CTIF: variants seen among roughly 807,000 people sequenced by gnomAD.
CTIF encodes cap binding complex dependent translation initiation factor, also known as CBP80/20-dependent translation initiation factor.
In CTIF, 21 loss-of-function variants were observed where a neutral mutation model predicts 66.0. That is an observed-to-expected ratio of 0.32 (90% CI 0.23 to 0.46). The LOEUF (loss-of-function observed/expected upper bound fraction) is 0.46. Among genes scored for constraint, CTIF ranks in the 20% least tolerant of loss-of-function variants. CTIF has a pLI of 1.00. For synonymous variants in CTIF, 345 were observed against 326.4 expected, an observed-to-expected ratio of 1.06 and a Z score of -0.62; for missense variants, 739 against 812.7, an observed-to-expected ratio of 0.91 and a Z score of 1.10.
intron 10 of CTIF, among the ~76,000 whole-genome samples, chr18:48,833,243 C>A (rs2068732927): frequency 6.6e-6 from 1 of 152,178 alleles, no homozygotes; most frequent in Non-Finnish European, 1.5e-5. Flanking sequence ...TACCTGGAAT[C>A]CCAGGGCCAG....
chr18:48,753,636 G>A (rs928189386), intron 7 of CTIF, among the ~76,000 whole-genome samples: 55 of 152,060 alleles, frequency 3.6e-4, no homozygotes, highest in Non-Finnish European at 2.4e-4. Context: ...AACAGCAGGT[G>A]TTGCCAGTAG....
At chr18:48,817,761 C>T (rs1444843754) in intron 10 of CTIF, among the ~76,000 whole-genome samples, 6 of 145,908 alleles carry the variant, frequency 4.1e-5, no homozygotes, top group South Asian at 2.2e-4. Flanking sequence ...GGCGACAGAG[C>T]GAGACTCGGT....
At chr18:48,822,954 A>G (rs1339508680) in intron 10 of CTIF, among the ~76,000 whole-genome samples, 1 of 152,124 alleles carries the variant, frequency 6.6e-6, no homozygotes, top group Admixed American at 6.5e-5. Context: ...GCCATTTTCC[A>G]TGTCTTCTTT....
chr18:48,597,049 G>T (rs1301138633), intron 1 of CTIF, among the ~76,000 whole-genome samples: 2 of 152,194 alleles, frequency 1.3e-5, no homozygotes, highest in East Asian at 3.8e-4. Flanking sequence ...CTGGTCTCCT[G>T]GGGATGCTGA....
chr18:48,553,537 G>A (rs1458327841), intron 1 of CTIF, among the ~76,000 whole-genome samples: 2 of 152,278 alleles, frequency 1.3e-5, no homozygotes, highest in Non-Finnish European at 2.9e-5. Context: ...CCCAGCTCCT[G>A]GCTCATCCCA....
chr18:48,850,439 C>T (rs953570748), intron 10 of CTIF, among the ~76,000 whole-genome samples: 22 of 152,302 alleles, frequency 1.4e-4, no homozygotes, highest in African/African-American at 5.1e-4. Flanking sequence ...GAGAGCTAGT[C>T]GGCCCTCTCC....
intron 1 of CTIF, among the ~76,000 whole-genome samples, chr18:48,572,983 A>T (rs1440136950): frequency 6.6e-6 from 1 of 151,732 alleles, no homozygotes; most frequent in East Asian, 1.9e-4. Context: ...AAAGAGCAAG[A>T]CCCTGTCTTA....
chr18:48,616,258 G>T (rs1000439953), intron 1 of CTIF, among the ~76,000 whole-genome samples: 1 of 152,254 alleles, frequency 6.6e-6, no homozygotes, highest in Non-Finnish European at 1.5e-5. Flanking sequence ...TCCTGCAGGT[G>T]GCTCCTTTTC....
rs550639611 is a variant in CTIF, at chr18:48,658,666, G to A, written c.253-5086G>A. 6.6e-5 allele frequency among the ~76,000 whole-genome samples: 10 copies of A among 152,058 alleles called. No individual in the cohort carries two copies. The East Asian group carries it at 1.5e-3, about 23-fold the overall frequency. On this transcript the variant is annotated intron_variant, in intron 3 of 11. Transcript: ENST00000256413. ...GTATTATGTGGATGTGTGTGGATGT[G>A]TCTGTCTAGTATATGCATGTGTGTA...
At chr18:48,677,184 C>T (rs566736499) in intron 6 of CTIF, among the ~76,000 whole-genome samples, 26 of 152,294 alleles carry the variant, frequency 1.7e-4, no homozygotes, top group African/African-American at 4.8e-4. Context: ...TAAAGTGCCC[C>T]GAGACACCCA....
chr18:48,618,837 G>A (rs1020718725), intron 1 of CTIF, among the ~76,000 whole-genome samples: 1 of 152,236 alleles, frequency 6.6e-6, no homozygotes, highest in Non-Finnish European at 1.5e-5. Context: ...CCCCTGTAAA[G>A]GTGACCAGGC....
intron 1 of CTIF, among the ~76,000 whole-genome samples, chr18:48,615,456 T>C (rs549530101): frequency 3.2e-4 from 48 of 152,314 alleles, no homozygotes; most frequent in African/African-American, 1.1e-3. Flanking sequence ...TGATGTATTC[T>C]CCTGTTCCCC....
At chr18:48,604,497 T>C (rs574260210) in intron 1 of CTIF, among the ~76,000 whole-genome samples, 1 of 152,280 alleles carries the variant, frequency 6.6e-6, no homozygotes, top group African/African-American at 2.4e-5. Flanking sequence ...TTGTCATTGA[T>C]GTTCTTTTAT....
chr18:48,764,207 C>G (rs917402368), intron 9 of CTIF, among the ~76,000 whole-genome samples: 8 of 152,226 alleles, frequency 5.3e-5, no homozygotes, highest in African/African-American at 1.7e-4. Context: ...CACCTCTCAT[C>G]CTGCAGCCAC....
At chr18:48,664,351 G>T in intron 4 of CTIF, 96 bp from the exon 5 acceptor site, 2 of 1,120,846 alleles carry the variant, frequency 1.8e-6, no homozygotes, top group Non-Finnish European at 2.7e-6. Flanking sequence ...CCTTTCTGCG[G>T]ATCTGCTCTG....
chr18:48,628,161 A>C (rs1034394256), intron 2 of CTIF, among the ~76,000 whole-genome samples: 2 of 152,218 alleles, frequency 1.3e-5, no homozygotes, highest in Admixed American at 1.3e-4. Context: ...TGAGCTATGC[A>C]AGACCCTGGA....
chr18:48,725,015 T>G (rs1034663982), intron 7 of CTIF, among the ~76,000 whole-genome samples: 4 of 152,240 alleles, frequency 2.6e-5, no homozygotes, highest in African/African-American at 9.6e-5. Flanking sequence ...AAAAGACATG[T>G]GTGAACTTGA....
intron 6 of CTIF, among the ~76,000 whole-genome samples, chr18:48,680,909 T>A (rs1437647969): frequency 6.6e-6 from 1 of 152,188 alleles, no homozygotes; most frequent in Non-Finnish European, 1.5e-5. Flanking sequence ...AGAAGCCCAG[T>A]TATTTTAGTT....
chr18:48,697,137 G>A (rs1410077637), intron 6 of CTIF, among the ~76,000 whole-genome samples: 1 of 152,230 alleles, frequency 6.6e-6, no homozygotes, highest in Admixed American at 6.5e-5. Flanking sequence ...AGTGGATCCA[G>A]TAAGAATGGC....
Sources: gnomAD v4.1 joint callset for allele counts (sites outside exome capture counted in the v4.1 genomes callset) on GRCh38, gnomAD v4.1.1 for gene constraint, MANE v1.5 for transcripts, NCBI Gene and HGNC (gene_info 2026-07-23, HGNC 2026-07-21) for gene names.